GALNT13: variants seen among roughly 807,000 people sequenced by gnomAD.
GALNT13 encodes UDP-GalNAc:polypeptide N-acetylgalactosaminyltransferase 13.
In GALNT13, 28 loss-of-function variants were observed where a neutral mutation model predicts 64.2. The observed-to-expected ratio is 0.44, with a 90% CI of 0.32 to 0.60. GALNT13 has a LOEUF of 0.60. Among genes scored for constraint, GALNT13 ranks in the 20% least tolerant of loss-of-function variants. The pLI, the probability that GALNT13 is intolerant of heterozygous loss-of-function variation, is 0.05. For missense variants in GALNT13, 577 were observed against 669.8 expected (o/e 0.86, Z 1.53); for synonymous variants, 214 against 224.6 (o/e 0.95, Z 0.42).
the GALNT13 span, among the ~76,000 whole-genome samples, chr2:153,651,668 C>A: frequency 6.6e-6 from 1 of 152,082 alleles, no homozygotes; most frequent in African/African-American, 2.4e-5. Context: ...GCTGGTGGAA[C>A]GTACAGTTTC....
At chr2:154,227,576 C>T (rs545346697) in intron 4 of GALNT13, among the ~76,000 whole-genome samples, 100 of 147,160 alleles carry the variant, frequency 6.8e-4, no homozygotes, top group Admixed American at 1.3e-3. Flanking sequence ...TGAGAACATG[C>T]GGTGTTTGGT....
At chr2:153,874,074 T>TCC (rs1171901852) in intron 1 of GALNT13, among the ~76,000 whole-genome samples, 1 of 149,506 alleles carries the variant, frequency 6.7e-6, no homozygotes, top group Admixed American at 6.7e-5. Flanking sequence ...AATCTTTCTT[T>TCC]CCCCCCGCAC....
chr2:154,185,107 C>A (rs1445142446), intron 4 of GALNT13, among the ~76,000 whole-genome samples: 1 of 152,004 alleles, frequency 6.6e-6, no homozygotes, highest in Non-Finnish European at 1.5e-5. Context: ...TATTTGACAG[C>A]TTTAGTGGTT....
chr2:154,169,408 A>C (rs1685230266), intron 4 of GALNT13, among the ~76,000 whole-genome samples: 1 of 152,212 alleles, frequency 6.6e-6, no homozygotes, highest in African/African-American at 2.4e-5. Flanking sequence ...AAACTACAGA[A>C]GAATTATATG....
the GALNT13 span, among the ~76,000 whole-genome samples, chr2:153,131,408 G>A: frequency 0.71 from 107,969 of 151,942 alleles, 39,551 homozygotes; most frequent in South Asian, 0.82. Context: ...TTTCTATGGG[G>A]AAGATGTTGG....
the GALNT13 span, among the ~76,000 whole-genome samples, chr2:153,506,122 C>T: frequency 6.6e-6 from 1 of 151,820 alleles, no homozygotes; most frequent in African/African-American, 2.4e-5. Flanking sequence ...TTTTTTTATT[C>T]CTGCTGCTTT....
the GALNT13 span, among the ~76,000 whole-genome samples, chr2:153,212,146 G>A: frequency 6.6e-6 from 1 of 152,166 alleles, no homozygotes; most frequent in South Asian, 2.1e-4. Context: ...TTGAAAACTT[G>A]CCAATATTTA....
chr2:153,746,811 G>T, the GALNT13 span, among the ~76,000 whole-genome samples: 1 of 151,974 alleles, frequency 6.6e-6, no homozygotes, highest in East Asian at 1.9e-4. Flanking sequence ...GTTATTTGGG[G>T]TTTCAACTTT....
At chr2:153,764,127 C>T in the GALNT13 span, among the ~76,000 whole-genome samples, 1 of 152,182 alleles carries the variant, frequency 6.6e-6, no homozygotes, top group South Asian at 2.1e-4. Flanking sequence ...GTCACTGTTG[C>T]TGTGCGTAGA....
the GALNT13 span, among the ~76,000 whole-genome samples, chr2:153,640,699 C>A: frequency 6.6e-6 from 1 of 152,038 alleles, no homozygotes; most frequent in South Asian, 2.1e-4. Flanking sequence ...GGAGGATCAC[C>A]TGAGCCTGGG....
At chr2:153,659,715 A>G in the GALNT13 span, among the ~76,000 whole-genome samples, 1 of 152,156 alleles carries the variant, frequency 6.6e-6, no homozygotes, top group African/African-American at 2.4e-5. Flanking sequence ...CCCTGCAAAG[A>G]CAATGGAAAG....
chr2:154,350,220 G>A (rs1364862936), intron 9 of GALNT13, among the ~76,000 whole-genome samples: 1 of 152,208 alleles, frequency 6.6e-6, no homozygotes, highest in South Asian at 2.1e-4. Flanking sequence ...CTGTGAGGGT[G>A]TTGCCAAAGG....
At chr2:153,476,060 A>G in the GALNT13 span, among the ~76,000 whole-genome samples, 1 of 152,324 alleles carries the variant, frequency 6.6e-6, no homozygotes, top group South Asian at 2.1e-4. Flanking sequence ...ACAACAAACA[A>G]GCAAACAAAC....
chr2:154,222,800 A>G (rs1688387292), intron 4 of GALNT13, among the ~76,000 whole-genome samples: 1 of 152,108 alleles, frequency 6.6e-6, no homozygotes, highest in African/African-American at 2.4e-5. Flanking sequence ...GAGTTCATGG[A>G]GTAAGTTGGA....
At chr2:153,316,964 ATCTC>A in the GALNT13 span, among the ~76,000 whole-genome samples, 1 of 152,150 alleles carries the variant, frequency 6.6e-6, no homozygotes, top group African/African-American at 2.4e-5. Context: ...CACTCTGAAA[ATCTC>A]TACTTATCAC....
At chr2:153,228,192 C>T in the GALNT13 span, among the ~76,000 whole-genome samples, 12 of 152,206 alleles carry the variant, frequency 7.9e-5, no homozygotes, top group Non-Finnish European at 1.0e-4. Context: ...ATCTGAATTC[C>T]GTGCTCTGAT....
the GALNT13 span, among the ~76,000 whole-genome samples, chr2:153,345,697 TTCTTTC>T: frequency 5.7e-4 from 66 of 116,462 alleles, no homozygotes; most frequent in East Asian, 0.011. Flanking sequence ...CTTTCTTTCT[TTCTTTC>T]TCTTTCTCTC....
At chr2:153,927,294 T>A (rs967154934) in intron 2 of GALNT13, among the ~76,000 whole-genome samples, 1 of 152,084 alleles carries the variant, frequency 6.6e-6, no homozygotes, top group Non-Finnish European at 1.5e-5. Context: ...TTATAGTCCT[T>A]TAATATGCAC....
chr2:154,076,776 G>A (rs1304555117), intron 3 of GALNT13, among the ~76,000 whole-genome samples: 1 of 151,586 alleles, frequency 6.6e-6, no homozygotes, highest in African/African-American at 2.4e-5. Context: ...ATACTATTGG[G>A]TAGTAATTAA....
Sources: gnomAD v4.1 joint callset for allele counts (sites outside exome capture counted in the v4.1 genomes callset) on GRCh38, gnomAD v4.1.1 for gene constraint, MANE v1.5 for transcripts, NCBI Gene and HGNC (gene_info 2026-07-23, HGNC 2026-07-21) for gene names.